Variants in NHSL2 observed in about 807,000 individuals in gnomAD.
NHSL2 encodes the protein NHS-like protein 2.
Under a neutral mutation model 53.4 loss-of-function variants are expected in NHSL2, and 27 were observed. The ratio of observed to expected loss-of-function variants is 0.51; its 90% CI spans 0.37 to 0.70. The LOEUF is 0.70. Ranked by LOEUF, NHSL2 falls within the 30% of genes least tolerant of loss-of-function variation. The pLI is 0.00. For synonymous variants in NHSL2, 408 were observed against 404.1 expected, an observed-to-expected ratio of 1.01 and a Z score of -0.12; for missense variants, 892 against 980.1, an observed-to-expected ratio of 0.91 and a Z score of 1.20.
chrX:71,980,977 A>G (rs1473362976), intron 1 of NHSL2, among the ~76,000 whole-genome samples: 1 of 111,924 alleles, frequency 8.9e-6, no homozygotes, highest in African/African-American at 3.3e-5. Context: ...TGCAAAAATG[A>G]ATAATTTGGA....
At chrX:72,136,738 C>T (rs959776367) in intron 4 of NHSL2, among the ~76,000 whole-genome samples, 30 of 112,648 alleles carry the variant, frequency 2.7e-4, no homozygotes, top group African/African-American at 8.4e-4. Flanking sequence ...TGAATAATCA[C>T]TTGAAGACTT....
Position 72,114,015 on chromosome X carries a change from G to GT in NHSL2, c.281-18064_281-18063insT, listed in dbSNP as rs1276721338. 1.4e-3 allele frequency among the ~76,000 whole-genome samples: 162 copies of GT among 112,312 alleles called. 1 individual carries two copies. Among genetic ancestry groups the GT allele is most frequent in the African/African-American group, 5.0e-3 (156 of 30,912 alleles). On this transcript the variant is annotated intron_variant, in intron 1 of 7. Coordinates refer to ENST00000633930, the MANE Select transcript of NHSL2 (RefSeq NM_001013627.3). ...ATAGGGAGGCTGAACATGGCTGGCAGAAAATAGTTATTGTGGTAACGAGAG... is the reference window on the plus strand; with the variant it reads ...ATAGGGAGGCTGAACATGGCTGGCAGTAAAATAGTTATTGTGGTAACGAGAG...
rs2042471847 is a variant in NHSL2 at position 72,147,321 on chromosome X, G to A, written c.*3747G>A. ...AGGCACCTAGGGCGTAAAATTCAAA[G>A]AGGTGCCCGCTCTCAGGGCCATGCA... is the stretch of plus-strand genomic sequence containing the variant. On this transcript the variant is annotated 3_prime_UTR_variant, in exon 8 of 8. Transcript: ENST00000633930. The A allele has an allele frequency of 8.9e-6, 1 of 111,986 alleles. No individual in the cohort carries two copies. The highest frequency in any genetic ancestry group is 3.2e-5 in the African/African-American group (1 of 30,805). 9.2% of individuals were successfully genotyped at this position (111,986 alleles called of 1,213,427 possible). A position where few individuals can be genotyped will look rare whatever the true frequency, so the allele number is the denominator to read the frequency against.
intron 1 of NHSL2, chrX:72,080,073 G>A (rs1014309552): frequency 5.3e-5 from 6 of 112,306 alleles, no homozygotes; most frequent in African/African-American, 1.6e-4. Flanking sequence ...CCAAGGTGCT[G>A]GGAAACGGGG....
chrX:72,140,054 G>T lies in NHSL2; in HGVS notation c.2506G>T (p.Val836Phe), dbSNP rs761707085. 32 of 1,209,589 alleles carry T rather than the reference G, an allele frequency of 2.6e-5. No homozygotes were observed. The highest frequency in any genetic ancestry group is 2.3e-4 in the Middle Eastern group (1 of 4,352). The change falls in exon 6 of 8, where the codon GTC becomes TTC. Residue 836 changes from valine to phenylalanine, a missense_variant. Coordinates refer to ENST00000633930, the MANE Select transcript of NHSL2 (RefSeq NM_001013627.3). ...CCTACGTTCTGTTCGCCTGAGGTCG[G>T]TCAGCAAGTCTGAGCCGGAAGATGA... ...SDLRSVRLRSVSKSEPEDDIE... is the reference protein window; with the variant it reads ...SDLRSVRLRSFSKSEPEDDIE...
intron 1 of NHSL2, among the ~76,000 whole-genome samples, chrX:72,048,990 A>G (rs1032713369): frequency 1.9e-4 from 15 of 79,631 alleles, no homozygotes; most frequent in African/African-American, 6.5e-4. Context: ...GAAGGAGGAG[A>G]AGAAGAAGAA....
chrX:72,002,524 G>A (rs1002845512), intron 1 of NHSL2, among the ~76,000 whole-genome samples: 7 of 111,993 alleles, frequency 6.3e-5, no homozygotes, highest in African/African-American at 1.9e-4. Flanking sequence ...CCATGTACCC[G>A]ACTCAGTGTC....
At chrX:72,105,646 T>C (rs2042031638) in intron 1 of NHSL2, among the ~76,000 whole-genome samples, 1 of 111,363 alleles carries the variant, frequency 9.0e-6, no homozygotes, top group South Asian at 3.8e-4. Flanking sequence ...CCCTTCCTTC[T>C]GGGGTGACCT....
At chrX:72,085,486 G>A (rs991111194) in intron 1 of NHSL2, among the ~76,000 whole-genome samples, 3 of 111,375 alleles carry the variant, frequency 2.7e-5, no homozygotes, top group Non-Finnish European at 5.6e-5. Context: ...TTCATCCATT[G>A]CACTCATCTG....
At chrX:71,976,156 G>A (rs1342937779) in intron 1 of NHSL2, among the ~76,000 whole-genome samples, 2 of 111,414 alleles carry the variant, frequency 1.8e-5, no homozygotes, top group Non-Finnish European at 3.8e-5. Flanking sequence ...TCCCCGCCCA[G>A]TCTACTGTAT....
intron 1 of NHSL2, among the ~76,000 whole-genome samples, chrX:71,933,871 T>G (rs2041725138): frequency 9.0e-6 from 1 of 111,224 alleles, no homozygotes; most frequent in African/African-American, 3.3e-5. Context: ...AGGCAGGAAA[T>G]ATTGCGTTGG....
At chrX:72,001,207 A>T (rs1046246387) in intron 1 of NHSL2, among the ~76,000 whole-genome samples, 7 of 111,829 alleles carry the variant, frequency 6.3e-5, no homozygotes, top group Non-Finnish European at 1.1e-4. Flanking sequence ...AAAGTGTTTT[A>T]AAAAAATACT....
intron 1 of NHSL2, among the ~76,000 whole-genome samples, chrX:71,947,376 G>T (rs1302761493): frequency 1.8e-5 from 2 of 112,236 alleles, no homozygotes; most frequent in Non-Finnish European, 3.8e-5. Flanking sequence ...CCCGGAACCG[G>T]ATTGAAAGGA....
chrX:71,972,963 A>G (rs1194203133), intron 1 of NHSL2, among the ~76,000 whole-genome samples: 1 of 110,506 alleles, frequency 9.0e-6, no homozygotes, highest in Non-Finnish European at 1.9e-5. Flanking sequence ...GTTCAACAAG[A>G]ACTATTACTT....
At chrX:72,109,006 C>G (rs1349231957) in intron 1 of NHSL2, among the ~76,000 whole-genome samples, 1 of 111,490 alleles carries the variant, frequency 9.0e-6, no homozygotes, top group African/African-American at 3.3e-5. Flanking sequence ...TTCAGTCATC[C>G]TTTTCCACCC....
At chrX:72,109,338 A>G (rs1430041484) in intron 1 of NHSL2, among the ~76,000 whole-genome samples, 2 of 112,254 alleles carry the variant, frequency 1.8e-5, no homozygotes, top group African/African-American at 3.2e-5. Flanking sequence ...AGGCACTGGG[A>G]GGTGACTTGA....
At chrX:72,099,243 AT>A (rs1374978448) in intron 1 of NHSL2, among the ~76,000 whole-genome samples, 1 of 111,666 alleles carries the variant, frequency 9.0e-6, no homozygotes. Flanking sequence ...TCCCCAGCTG[AT>A]TTGAAATGCC....
chrX:71,932,013 A>G (rs111749006), intron 1 of NHSL2, among the ~76,000 whole-genome samples: 2,478 of 112,361 alleles, frequency 0.022, 51 homozygotes, highest in East Asian at 0.15. Context: ...AGCACCTACC[A>G]TGTGCCAGAC....
chrX:71,935,951 C>T, intron 1 of NHSL2, among the ~76,000 whole-genome samples: 1 of 112,237 alleles, frequency 8.9e-6, no homozygotes. Context: ...GCCTATCTTC[C>T]TTCCCACCAC....
Sources: gnomAD v4.1 joint callset for allele counts (sites outside exome capture counted in the v4.1 genomes callset) on GRCh38, gnomAD v4.1.1 for gene constraint, MANE v1.5 for transcripts, NCBI Gene and HGNC (gene_info 2026-07-23, HGNC 2026-07-21) for gene names.